CAMSAP2: variants seen among roughly 807,000 people sequenced by gnomAD.
The protein encoded by CAMSAP2 is calmodulin-regulated spectrin-associated protein 2.
In CAMSAP2, 26 loss-of-function variants were observed where a neutral mutation model predicts 146.1. The observed-to-expected ratio is 0.18, with a 90% confidence interval of 0.13 to 0.25. CAMSAP2 has a LOEUF of 0.25. Ranked by LOEUF, CAMSAP2 falls within the 10% of genes least tolerant of loss-of-function variation. CAMSAP2 has a pLI of 1.00. For synonymous variants in CAMSAP2, 499 were observed against 596.6 expected (o/e 0.84, Z 2.38); for missense variants, 1,381 against 1,759.3 (o/e 0.78, Z 3.85).
intron 4 of CAMSAP2, among the ~76,000 whole-genome samples, chr1:200,817,266 A>ACACATACC (rs1403230497): frequency 7.7e-6 from 1 of 129,262 alleles, no homozygotes; most frequent in Non-Finnish European, 1.7e-5. Context: ...GTGTATATAC[A>ACACATACC]CACATATATA....
In CAMSAP2 at chr1:200,739,725, C is replaced by T; in HGVS notation, c.-103C>T. 8.1e-7 allele frequency: 1 copy of T among 1,230,578 alleles called. No individual in the cohort carries two copies. The highest frequency in any genetic ancestry group is 2.8e-5 in the Admixed American group (1 of 36,232). The allele number at this position is 1,230,578 out of a possible 1,614,324, so 76.2% of individuals were successfully genotyped here. ...GCCCGGGCGGACATCGCCCGGGCCC[C>T]GATGGTTTGAGCTTGCTTCTCCCTC... On this transcript the variant is annotated 5_prime_UTR_variant, in exon 1 of 17. Transcript: ENST00000358823. This position sits in a 1 kb window ranked among gnomAD's most constrained non-coding sequence, Gnocchi z 4.8.
At chr1:200,842,205 C>T (rs1355984729) in intron 7 of CAMSAP2, 118 bp downstream of exon 7, 1 of 702,236 alleles carries the variant, frequency 1.4e-6, no homozygotes, top group Non-Finnish European at 2.4e-6. Context: ...TAGATTTCAG[C>T]TATTACACTT....
chr1:200,807,631 C>A, intron 3 of CAMSAP2, 94 bp downstream of exon 3: 4 of 851,288 alleles, frequency 4.7e-6, no homozygotes, highest in Non-Finnish European at 3.2e-6. Flanking sequence ...CTTTTTGTTT[C>A]AAATCAAAGT....
intron 2 of CAMSAP2, among the ~76,000 whole-genome samples, chr1:200,792,848 C>T (rs1000081365): frequency 1.3e-5 from 2 of 152,120 alleles, no homozygotes; most frequent in Admixed American, 6.5e-5. Context: ...TTAATTATAT[C>T]CATATCAGTA....
chr1:200,768,887 C>T (rs1309184645), intron 2 of CAMSAP2, among the ~76,000 whole-genome samples: 2 of 152,172 alleles, frequency 1.3e-5, no homozygotes, highest in East Asian at 3.9e-4. Flanking sequence ...CTCCTGACCT[C>T]GTGATCCACC....
intron 2 of CAMSAP2, among the ~76,000 whole-genome samples, chr1:200,780,165 G>A (rs139293730): frequency 5.8e-4 from 89 of 152,270 alleles, no homozygotes; most frequent in Non-Finnish European, 1.0e-3. Context: ...AATTGTTAAT[G>A]TTTAGAATTT....
At chr1:200,841,787 A>G (rs953348717) in intron 6 of CAMSAP2, among the ~76,000 whole-genome samples, 3 of 152,252 alleles carry the variant, frequency 2.0e-5, no homozygotes, top group African/African-American at 7.2e-5. Flanking sequence ...TTTTAGAACT[A>G]TAGAGCAAAT....
At chr1:200,786,747 A>G (rs924364593) in intron 2 of CAMSAP2, among the ~76,000 whole-genome samples, 1 of 152,238 alleles carries the variant, frequency 6.6e-6, no homozygotes, top group Non-Finnish European at 1.5e-5. Context: ...TAGGACTTGC[A>G]TAGCTAGAGA....
Position 200,854,711 on chromosome 1 carries a change from T to G in CAMSAP2, c.3824-106T>G, listed in dbSNP as rs529887608. Reference sequence around the variant, plus strand: ...GGAAAAGAAACTACAGAAGCTCAATTTTTATATGCTGGTGTTATCTAATGA... The same window carrying G: ...GGAAAAGAAACTACAGAAGCTCAATGTTTATATGCTGGTGTTATCTAATGA... On this transcript the variant is annotated intron_variant, in intron 13 of 16. Transcript: ENST00000358823. The G allele has an allele frequency of 8.1e-5, 56 of 689,732 alleles. No homozygotes were observed. In the Middle Eastern group the frequency reaches 1.3e-3, roughly 16 times the overall value. 42.7% of individuals were successfully genotyped at this position (689,732 alleles called of 1,614,324 possible).
At chr1:200,791,737 G>A (rs562626963) in intron 2 of CAMSAP2, among the ~76,000 whole-genome samples, 41 of 152,110 alleles carry the variant, frequency 2.7e-4, no homozygotes, top group African/African-American at 8.9e-4. Flanking sequence ...CTTTTTGTGC[G>A]AGCTAGTTAG....
chr1:200,749,625 TTA>T (rs1298623694), intron 1 of CAMSAP2, among the ~76,000 whole-genome samples: 2 of 152,234 alleles, frequency 1.3e-5, no homozygotes, highest in East Asian at 1.9e-4. Flanking sequence ...GTTCTATCAA[TTA>T]TATGTTTAAC....
chr1:200,758,581 A>G (rs550493270), intron 1 of CAMSAP2, among the ~76,000 whole-genome samples: 7 of 152,334 alleles, frequency 4.6e-5, no homozygotes, highest in African/African-American at 1.7e-4. Context: ...TGTCACCAAA[A>G]TCCCAAATTG....
intron 1 of CAMSAP2, among the ~76,000 whole-genome samples, chr1:200,750,114 T>A (rs762449742): frequency 1.3e-5 from 2 of 152,142 alleles, no homozygotes; most frequent in Non-Finnish European, 2.9e-5. Context: ...GAGAATGGTT[T>A]GGAGCGGGGA....
chr1:200,834,535 G>A (rs1038089762), intron 6 of CAMSAP2, among the ~76,000 whole-genome samples: 3 of 152,266 alleles, frequency 2.0e-5, no homozygotes, highest in East Asian at 3.9e-4. Context: ...TGTACTTTAT[G>A]TGAGTCAATA....
At position 200,848,513 on chromosome 1, in the gene CAMSAP2, A is replaced by T. The variant is rs763541841; in HGVS notation, c.1744A>T (p.Ile582Phe). Residue 582 changes from isoleucine to phenylalanine, a missense_variant, in exon 11 of 17, where the codon ATC (isoleucine) becomes TTC (phenylalanine). Ile to Phe is a conservative substitution (Grantham distance 21). Around this residue, in one of 4 missense-constraint regions of CAMSAP2, gnomAD observed 447 missense variants for 462.2 expected, o/e 0.97. Transcript: ENST00000358823. ...SQEMSILNSN[I>F]KLNQSSPDNV... The stretch of plus-strand genomic sequence containing the variant: ...AGAAATGAGTATCTTAAATTCAAAT[A>T]TCAAGTTAAATCAATCTAGTCCTGA... The T allele has an allele frequency of 3.1e-6, 5 of 1,613,878 alleles. No individual in the cohort carries two copies. Among genetic ancestry groups the T allele is most frequent in the Middle Eastern group, 1.6e-4 (1 of 6,062 alleles).
intron 1 of CAMSAP2, among the ~76,000 whole-genome samples, chr1:200,753,939 G>A (rs888740725): frequency 6.6e-6 from 1 of 152,128 alleles, no homozygotes. Flanking sequence ...GACAAATCAC[G>A]TGGCAGCCAG....
At chr1:200,831,212 T>C (rs1667035119) in intron 4 of CAMSAP2, among the ~76,000 whole-genome samples, 1 of 152,200 alleles carries the variant, frequency 6.6e-6, no homozygotes, top group African/African-American at 2.4e-5. Context: ...TTCAGCATTA[T>C]TTTACTTGGC....
intron 1 of CAMSAP2, among the ~76,000 whole-genome samples, chr1:200,749,128 C>A (rs1430825914): frequency 6.6e-6 from 1 of 152,202 alleles, no homozygotes. Flanking sequence ...GGACCACACT[C>A]CCTGAATGCT....
intron 1 of CAMSAP2, among the ~76,000 whole-genome samples, chr1:200,760,211 G>A (rs552622121): frequency 2.0e-5 from 3 of 152,342 alleles, no homozygotes; most frequent in Non-Finnish European, 2.9e-5. Flanking sequence ...CAGTGGTAAT[G>A]TGGCAATATC....
Sources: gnomAD v4.1 joint callset for allele counts (sites outside exome capture counted in the v4.1 genomes callset) on GRCh38, gnomAD v4.1.1 for gene constraint, gnomAD v4.1.1 regional missense constraint, Gnocchi (gnomAD v3.1) non-coding constraint, MANE v1.5 for transcripts, NCBI Gene and HGNC (gene_info 2026-07-23, HGNC 2026-07-21) for gene names.